The following GNA14 variants were observed in gnomAD, a reference collection of about 807,000 sequenced individuals.
GNA14 encodes the protein G protein subunit alpha 14.
Under a neutral mutation model 42.0 loss-of-function variants are expected in GNA14, and 50 were observed. The ratio of observed to expected loss-of-function variants is 1.19; its 90% CI spans 0.95 to 1.51. The LOEUF (loss-of-function observed/expected upper bound fraction) is 1.51, where lower values mean the gene tolerates loss of function less well. Ranked by LOEUF, GNA14 falls within the 40% of genes most tolerant of loss-of-function variation. GNA14 has a pLI of 0.00. For synonymous variants in GNA14, 173 were observed against 163.1 expected (o/e 1.06, Z -0.46); for missense variants, 473 against 446.2 (o/e 1.06, Z -0.54).
Position 77,477,816 on chromosome 9 carries a change from A to T in GNA14, c.310-43294T>A, listed in dbSNP as rs916502633. ...AAGAACAGAGTCCCATAAAAAAGGA[A>T]GAATTGGAGAACAAAGAGAACATTT... On this transcript the variant is annotated intron_variant, in intron 2 of 6. Transcript: ENST00000341700. 2.0e-5 allele frequency among the ~76,000 whole-genome samples: 3 copies of T among 152,206 alleles called. No homozygotes were observed. In the South Asian group the frequency reaches 6.2e-4, roughly 32 times the overall value.
chr9:77,459,040 G>A (rs536438061), intron 2 of GNA14, among the ~76,000 whole-genome samples: 1 of 152,184 alleles, frequency 6.6e-6, no homozygotes, highest in South Asian at 2.1e-4. Context: ...GCGCAACAAT[G>A]AGAATGTACT....
At chr9:77,539,597 T>C (rs769220902) in intron 1 of GNA14, among the ~76,000 whole-genome samples, 16 of 152,196 alleles carry the variant, frequency 1.1e-4, no homozygotes, top group Non-Finnish European at 2.2e-4. Flanking sequence ...AGTTCTTCAT[T>C]ATACATTTGG....
intron 1 of GNA14, among the ~76,000 whole-genome samples, chr9:77,537,279 G>C (rs1837609519): frequency 6.6e-6 from 1 of 151,810 alleles, no homozygotes. Context: ...TCTATTCTCG[G>C]CTCCACAAGA....
At chr9:77,435,404 G>A (rs1835627057) in intron 2 of GNA14, among the ~76,000 whole-genome samples, 2 of 152,002 alleles carry the variant, frequency 1.3e-5, no homozygotes, top group Admixed American at 6.6e-5. Flanking sequence ...TTTTAGAGCA[G>A]TTTTAGCTTG....
At chr9:77,489,466 C>T (rs1248183237) in intron 2 of GNA14, among the ~76,000 whole-genome samples, 2 of 152,196 alleles carry the variant, frequency 1.3e-5, no homozygotes, top group African/African-American at 4.8e-5. Flanking sequence ...GACCCCAAGG[C>T]ATAAAATAAT....
intron 1 of GNA14, among the ~76,000 whole-genome samples, chr9:77,534,451 A>G (rs1837569830): frequency 6.6e-6 from 1 of 152,224 alleles, no homozygotes; most frequent in Non-Finnish European, 1.5e-5. Context: ...CAGAAAGCCA[A>G]TTGTTCTAAT....
intron 4 of GNA14, among the ~76,000 whole-genome samples, chr9:77,431,023 TTTG>T (rs200597016): frequency 0.3 from 33,621 of 111,406 alleles, 3,830 homozygotes; most frequent in East Asian, 0.44. Flanking sequence ...GAAGTATACA[TTTG>T]TGTGTGTGTG....
intron 1 of GNA14, among the ~76,000 whole-genome samples, chr9:77,645,836 C>T (rs1824342764): frequency 6.6e-6 from 1 of 152,120 alleles, no homozygotes; most frequent in Non-Finnish European, 1.5e-5. Context: ...TACATTGACA[C>T]AAATCAAAGC....
chr9:77,445,123 G>A (rs953849728), intron 2 of GNA14, among the ~76,000 whole-genome samples: 1 of 152,208 alleles, frequency 6.6e-6, no homozygotes, highest in Admixed American at 6.5e-5. Context: ...GCCTGATGGC[G>A]GGGAAGGAGA....
At chr9:77,618,622 T>TA (rs1564067885) in intron 1 of GNA14, among the ~76,000 whole-genome samples, 958 of 21,264 alleles carry the variant, frequency 0.045, 49 homozygotes, top group Non-Finnish European at 0.059. Flanking sequence ...ATATATATAT[T>TA]TTTTTTTTTT....
chr9:77,556,837 T>C (rs1421757059), intron 1 of GNA14, among the ~76,000 whole-genome samples: 1 of 152,176 alleles, frequency 6.6e-6, no homozygotes, highest in Non-Finnish European at 1.5e-5. Context: ...CTTTGGCAGG[T>C]ACAACTTCAG....
intron 1 of GNA14, among the ~76,000 whole-genome samples, chr9:77,567,486 G>C (rs939154581): frequency 6.6e-6 from 1 of 152,158 alleles, no homozygotes; most frequent in Non-Finnish European, 1.5e-5. Flanking sequence ...TAAGATGAGA[G>C]CTACAAATAA....
intron 2 of GNA14, among the ~76,000 whole-genome samples, chr9:77,464,638 C>T (rs1016502298): frequency 6.6e-5 from 10 of 152,008 alleles, no homozygotes; most frequent in Admixed American, 2.0e-4. Context: ...CGAGTCATGC[C>T]ACCATCATTA....
chr9:77,614,161 G>A (rs1823774359), intron 1 of GNA14, among the ~76,000 whole-genome samples: 1 of 152,146 alleles, frequency 6.6e-6, no homozygotes, highest in African/African-American at 2.4e-5. Context: ...GCGATTCAGA[G>A]CACAGGCATT....
At chr9:77,507,622 A>G (rs566832768) in intron 2 of GNA14, among the ~76,000 whole-genome samples, 3 of 152,118 alleles carry the variant, frequency 2.0e-5, no homozygotes, top group Non-Finnish European at 2.9e-5. Context: ...AAATAAACAC[A>G]CAAAGCATTA....
intron 2 of GNA14, among the ~76,000 whole-genome samples, chr9:77,512,946 T>C (rs1837193625): frequency 6.6e-6 from 1 of 152,240 alleles, no homozygotes; most frequent in African/African-American, 2.4e-5. Flanking sequence ...TAAAAAAATA[T>C]TTTCCATGCA....
At chr9:77,566,167 T>TTTTTTG (rs1822965240) in intron 1 of GNA14, among the ~76,000 whole-genome samples, 1 of 133,600 alleles carries the variant, frequency 7.5e-6, no homozygotes, top group Non-Finnish European at 1.6e-5. Flanking sequence ...TTTTTTTTTT[T>TTTTTTG]TTTCTGAGAC....
At chr9:77,599,313 C>T (rs929586254) in intron 1 of GNA14, among the ~76,000 whole-genome samples, 5 of 152,110 alleles carry the variant, frequency 3.3e-5, no homozygotes, top group South Asian at 2.1e-4. Flanking sequence ...TTAGGTCATT[C>T]GGTAAAATAA....
intron 2 of GNA14, among the ~76,000 whole-genome samples, chr9:77,506,065 A>G (rs1216385838): frequency 6.6e-6 from 1 of 151,680 alleles, no homozygotes; most frequent in Non-Finnish European, 1.5e-5. Context: ...GGAGTTCAAG[A>G]TTAGTCTGGA....
Sources: allele counts gnomAD v4.1 joint callset (sites outside exome capture counted in the v4.1 genomes callset), GRCh38; gene constraint gnomAD v4.1.1; transcripts MANE v1.5; gene names NCBI Gene and HGNC (gene_info 2026-07-23, HGNC 2026-07-21).